Variants in SYT5 observed in about 807,000 individuals in gnomAD.
The protein encoded by SYT5 is synaptotagmin 5, also known as synaptotagmin-5.
A neutral mutation model predicts 36.0 loss-of-function variants in SYT5; 29 were observed. The ratio of observed to expected loss-of-function variants is 0.81; its 90% confidence interval spans 0.60 to 1.10. The LOEUF (loss-of-function observed/expected upper bound fraction) is 1.10. Among genes scored for constraint, SYT5 ranks in the 50% least tolerant of loss-of-function variants. SYT5 has a pLI of 0.00. For synonymous variants in SYT5, 231 were observed against 227.6 expected, an observed-to-expected ratio of 1.02 and a Z score of -0.14; for missense variants, 512 against 516.0, an observed-to-expected ratio of 0.99 and a Z score of 0.08.
At position 55,175,368 on chromosome 19, in the gene SYT5, G is replaced by C. The variant is rs778518079; in HGVS notation, c.541-29C>G. On this transcript the variant is annotated intron_variant, in intron 5 of 8. Coordinates refer to ENST00000354308, the MANE Select transcript of SYT5 (RefSeq NM_003180.3). The surrounding 1 kb of genome is among the most constrained non-coding windows in gnomAD (Gnocchi z 4.5). Reference sequence around the variant, plus strand: ...GAGTGCACAGAGAATCCGCAGTAGAGAGCAGGAAGTCAGAGATAGGGTGAG... The same window carrying C: ...GAGTGCACAGAGAATCCGCAGTAGACAGCAGGAAGTCAGAGATAGGGTGAG... 4.6e-6 allele frequency: 7 copies of C among 1,506,726 alleles called. No homozygotes were observed. Among genetic ancestry groups the C allele is most frequent in the Middle Eastern group, 1.8e-4 (1 of 5,602 alleles). 93.3% of individuals were successfully genotyped at this position (1,506,726 alleles called of 1,614,324 possible).
intron 2 of SYT5, 44 bp from the exon 3 acceptor site, chr19:55,178,412 C>T (rs765417574): frequency 4.4e-6 from 7 of 1,580,392 alleles, no homozygotes; most frequent in East Asian, 2.3e-5. Flanking sequence ...CTGGGCAGCA[C>T]GCAGGCTGAT....
chr19:55,174,794 G>A (rs1307033657), intron 7 of SYT5, 88 bp downstream of exon 7: 3 of 1,572,794 alleles, frequency 1.9e-6, no homozygotes, highest in Middle Eastern at 1.7e-4. Flanking sequence ...CCCTGTCCCC[G>A]AAGAAACCCT....
At chr19:55,177,147 A>T (rs949409751) in intron 3 of SYT5, 1 of 152,322 alleles carries the variant, frequency 6.6e-6, no homozygotes, top group Non-Finnish European at 1.5e-5. Context: ...ACAGGGTTCC[A>T]GAGGAGTCAT....
Position 55,171,821 on chromosome 19 carries a change from C to T in SYT5, c.*1663G>A, listed in dbSNP as rs1025435952. ...AAAAGAAAAGAAAAAATTAGCTAGG[C>T]ATGGTTGCATGTGCCTGTGGTCCCA... On this transcript the variant is annotated 3_prime_UTR_variant, in exon 9 of 9. Transcript: ENST00000354308. The T allele has an allele frequency of 1.3e-5, 2 of 152,210 alleles. No homozygotes were observed. The highest frequency in any genetic ancestry group is 6.6e-5 in the Admixed American group (1 of 15,252). 9.4% of individuals were successfully genotyped at this position (152,210 alleles called of 1,614,324 possible).
chr19:55,174,864 C>T lies in SYT5; in HGVS notation c.826+18G>A, dbSNP rs773937646. On this transcript the variant is annotated intron_variant, in intron 7 of 8. Transcript: ENST00000354308. ...CCACGCCATCCCCACACACCCCACT[C>T]CCTTGCTTCCCACACACCTGACAGT... 1.2e-6 allele frequency: 2 copies of T among 1,611,990 alleles called. No individual in the cohort carries two copies. The highest frequency in any genetic ancestry group is 2.2e-5 in the East Asian group (1 of 44,854).
At position 55,174,141 on chromosome 19, in the gene SYT5, T is replaced by A. The variant is rs2086040221; in HGVS notation, c.960+376A>T. The A allele has an allele frequency of 1.4e-5, 3 of 209,406 alleles. No individual in the cohort carries two copies. The South Asian group carries it at 3.1e-4, about 22-fold the overall frequency. 13.0% of individuals were successfully genotyped at this position (209,406 alleles called of 1,614,324 possible). A position where few individuals can be genotyped will look rare whatever the true frequency, so the allele number is the denominator to read the frequency against. On this transcript the variant is annotated intron_variant, in intron 8 of 8. Transcript: ENST00000354308. ...GGTCCCGCTTAGGAGTGGGGCATCCTGGTCCCGCTTGGGGGCGGGGCATCC... is the reference window on the plus strand; with the variant it reads ...GGTCCCGCTTAGGAGTGGGGCATCCAGGTCCCGCTTGGGGGCGGGGCATCC...
intron 3 of SYT5, chr19:55,176,398 T>C (rs563444147): frequency 1.7e-4 from 80 of 480,072 alleles, no homozygotes; most frequent in Admixed American, 5.6e-4. Flanking sequence ...CAAGTGCTGA[T>C]AGTGTCCCAT....
Position 55,175,101 on chromosome 19 carries a change from G to C in SYT5, c.708+71C>G. On this transcript the variant is annotated intron_variant, in intron 6 of 8. Transcript: ENST00000354308. The surrounding 1 kb of genome is among the most constrained non-coding windows in gnomAD (Gnocchi z 4.5). ...TGAGGGTCTGGAAAGCCTATGATCTGATTGGCTCAGGATGTTGTGGGCGGG... is the reference window on the plus strand; with the variant it reads ...TGAGGGTCTGGAAAGCCTATGATCTCATTGGCTCAGGATGTTGTGGGCGGG... 6.3e-7 allele frequency: 1 copy of C among 1,584,594 alleles called. No homozygotes were observed.
chr19:55,175,769 G>C lies in SYT5; in HGVS notation c.480C>G (p.Tyr160Ter). Residue 160 changes from tyrosine (Y) to a stop codon, truncating the protein, a stop_gained, in exon 5 of 9, where the codon TAC becomes TAG. Transcript: ENST00000354308. LOFTEE classifies it high-confidence loss of function. The surrounding 1 kb of genome is among the most constrained non-coding windows in gnomAD (Gnocchi z 4.5). ...GCGTCTGCCGATGCACCTTGGTCTC[G>C]TACCGCCTCCGTTTGTCCGGCAGCA... ...VYLLPDKRRR[Y>*]ETKVHRQTLN... is the part of the protein sequence containing the mutation. The C allele has an allele frequency of 6.2e-7, 1 of 1,614,142 alleles. No individual in the cohort carries two copies. Among genetic ancestry groups the C allele is most frequent in the Non-Finnish European group, 8.5e-7 (1 of 1,180,018 alleles).
Position 55,173,462 on chromosome 19 carries a change from G to T in SYT5, c.*22C>A. The T allele has an allele frequency of 7.4e-7, 1 of 1,349,072 alleles. No homozygotes were observed. The highest frequency in any genetic ancestry group is 1.5e-5 in the African/African-American group (1 of 65,144). The allele number at this position is 1,349,072 out of a possible 1,614,324, so 83.6% of individuals were successfully genotyped here. A position where few individuals can be genotyped will look rare whatever the true frequency, so the allele number is the denominator to read the frequency against. On this transcript the variant is annotated 3_prime_UTR_variant, in exon 9 of 9. Transcript: ENST00000354308. This position sits in a 1 kb window ranked among gnomAD's most constrained non-coding sequence, Gnocchi z 5.4. ...GGGTCAGGGGCTAGAGTCCAGGCTT[G>T]GCCGGGGGCTTGGGGTGGGAGTCAG...
intron 3 of SYT5, 49 bp from the exon 4 acceptor site, chr19:55,176,173 T>C: frequency 6.2e-7 from 1 of 1,611,890 alleles, no homozygotes; most frequent in Non-Finnish European, 8.5e-7. Flanking sequence ...CTGATAGCAG[T>C]ATCCATCAGG....
rs2086007597 is a variant in SYT5 at position 55,171,773 on chromosome 19, AC to A, written c.*1710del. On this transcript the variant is annotated 3_prime_UTR_variant, in exon 9 of 9. Transcript: ENST00000354308. ...AAACCAGCCTGTGCAACATAGCAAG[AC>A]CCCATCTCTAAAAAAGAAAAGAAAA... 2 of 152,084 alleles carry A rather than the reference AC, an allele frequency of 1.3e-5. No individual in the cohort carries two copies. The allele number at this position is 152,084 out of a possible 1,614,324, so 9.4% of individuals were successfully genotyped here.
intron 3 of SYT5, chr19:55,177,301 A>G (rs975702125): frequency 2.0e-5 from 3 of 152,150 alleles, no homozygotes; most frequent in Non-Finnish European, 4.4e-5. Flanking sequence ...TGTTCCCCAA[A>G]TAAGCCTCAG....
Position 55,175,035 on chromosome 19 carries a change from T to C in SYT5, c.709-36A>G, listed in dbSNP as rs1367559652. Reference sequence around the variant, plus strand: ...AGGGGCCCATCACCAGAGCCCCGGCTCCACATCCATGCCTCCTCAGGGGTA... The same window carrying C: ...AGGGGCCCATCACCAGAGCCCCGGCCCCACATCCATGCCTCCTCAGGGGTA... On this transcript the variant is annotated intron_variant, in intron 6 of 8. Transcript: ENST00000354308. The surrounding 1 kb of genome is among the most constrained non-coding windows in gnomAD (Gnocchi z 4.5). The C allele has an allele frequency of 6.2e-7, 1 of 1,606,578 alleles. No individual in the cohort carries two copies.
rs2086066823 is a variant in SYT5 at position 55,175,594 on chromosome 19, G to C, written c.540+115C>G. 7.2e-7 allele frequency: 1 copy of C among 1,395,954 alleles called. No individual in the cohort carries two copies. The highest frequency in any genetic ancestry group is 9.9e-7 in the Non-Finnish European group (1 of 1,013,856). 86.5% of individuals were successfully genotyped at this position (1,395,954 alleles called of 1,614,324 possible). On this transcript the variant is annotated intron_variant, in intron 5 of 8. Coordinates refer to ENST00000354308, the MANE Select transcript of SYT5 (RefSeq NM_003180.3). This position sits in a 1 kb window ranked among gnomAD's most constrained non-coding sequence, Gnocchi z 4.5. Reference sequence around the variant, plus strand: ...GGTCCAGTGGAATAGCCCCAGAGCTGGTAGCTGCCACCTGAGCTGTGGCCG... The same window carrying C: ...GGTCCAGTGGAATAGCCCCAGAGCTCGTAGCTGCCACCTGAGCTGTGGCCG...
At position 55,175,248 on chromosome 19, in the gene SYT5, C is replaced by G; in HGVS notation, c.632G>C (p.Arg211Pro). ...CAGGTCCACGGAGCTCATAGGGACC[C>G]GCACCTCCCCGATGGCGTCATTGCG... ...FSRNDAIGEV[R>P]VPMSSVDLGR... The change falls in exon 6 of 9, where the codon CGG becomes CCG. Residue 211 changes from arginine to proline, a missense_variant. By Grantham distance (103) the Arg-to-Pro change is moderately radical. Transcript: ENST00000354308. This position sits in a 1 kb window ranked among gnomAD's most constrained non-coding sequence, Gnocchi z 4.5. 1 of 1,608,742 alleles carries G rather than the reference C, an allele frequency of 6.2e-7. No homozygotes were observed. The highest frequency in any genetic ancestry group is 8.5e-7 in the Non-Finnish European group (1 of 1,178,364).
chr19:55,174,028 C>T (rs1029609741), intron 8 of SYT5: 1 of 288,716 alleles, frequency 3.5e-6, no homozygotes, highest in Non-Finnish European at 6.3e-6. Flanking sequence ...GGCGCCGTCC[C>T]TAAAGAAGTG....
intron 8 of SYT5, 30 bp downstream of exon 8, chr19:55,174,487 G>A (rs746149258): frequency 1.1e-5 from 18 of 1,610,102 alleles, no homozygotes; most frequent in Non-Finnish European, 1.4e-5. Flanking sequence ...AAAGGTCTGG[G>A]CTCTTGGAGA....
In SYT5 at chr19:55,175,198, C is replaced by A; in HGVS notation, c.682G>T (p.Glu228Ter). The A allele has an allele frequency of 6.2e-7, 1 of 1,607,814 alleles. No individual in the cohort carries two copies. Residue 228 changes from glutamate to a stop codon, truncating the protein, a stop_gained, in exon 6 of 9, where the codon GAG becomes TAG. Coordinates refer to ENST00000354308, the MANE Select transcript of SYT5 (RefSeq NM_003180.3). LOFTEE classifies it high-confidence loss of function. The surrounding 1 kb of genome is among the most constrained non-coding windows in gnomAD (Gnocchi z 4.5). ...DLGRPVQAWR[E>*]LQAAPREEQE... Reference sequence around the variant, plus strand: ...TCCTCCCGCGGAGCCGCCTGCAGCTCCCGCCAGGCCTGCACTGGCCGCCCC... The same window carrying A: ...TCCTCCCGCGGAGCCGCCTGCAGCTACCGCCAGGCCTGCACTGGCCGCCCC...
Sources: gnomAD v4.1 joint callset for allele counts on GRCh38, gnomAD v4.1.1 for gene constraint, Gnocchi (gnomAD v3.1) non-coding constraint, MANE v1.5 for transcripts, NCBI Gene and HGNC (gene_info 2026-07-23, HGNC 2026-07-21) for gene names.